ERC2: variants seen among roughly 807,000 people sequenced by gnomAD.
ERC2 encodes the protein ERC protein 2.
Under a neutral mutation model 114.8 loss-of-function variants are expected in ERC2, and 42 were observed. The ratio of observed to expected loss-of-function variants is 0.37; its 90% CI spans 0.29 to 0.47. The LOEUF (loss-of-function observed/expected upper bound fraction) is 0.47. Among genes scored for constraint, ERC2 ranks in the 20% least tolerant of loss-of-function variants. The probability of loss-of-function intolerance (pLI) is 0.99; values close to 1 mark genes in which losing one functional copy is unlikely to be tolerated. For synonymous variants in ERC2, 454 were observed against 425.5 expected (o/e 1.07, Z -0.82); for missense variants, 939 against 1,150.7 (o/e 0.82, Z 2.66).
At position 55,665,935 on chromosome 3, in the gene ERC2, G is replaced by A. The variant is rs2061340558; in HGVS notation, c.*39+17859C>T. 2.0e-5 allele frequency among the ~76,000 whole-genome samples: 3 copies of A among 152,188 alleles called. No homozygotes were observed. The South Asian group carries it at 6.2e-4, about 32-fold the overall frequency. On this transcript the variant is annotated intron_variant, in intron 17 of 17. Transcript: ENST00000288221. ...GATCACACAGCTAGCATGTGGCCAA[G>A]ATGGATTTAGACTTGGGCAGTCTGA...
At chr3:56,078,416 G>A (rs954980458) in intron 7 of ERC2, among the ~76,000 whole-genome samples, 7 of 152,144 alleles carry the variant, frequency 4.6e-5, no homozygotes, top group Admixed American at 3.9e-4. Context: ...GGCTCTGGCT[G>A]ACCATAACAG....
At chr3:55,517,502 G>T (rs1216967503) in intron 17 of ERC2, among the ~76,000 whole-genome samples, 1 of 135,826 alleles carries the variant, frequency 7.4e-6, no homozygotes, top group East Asian at 2.1e-4. Context: ...CCTTTTTAAA[G>T]AAATATTTAT....
intron 17 of ERC2, among the ~76,000 whole-genome samples, chr3:55,661,323 T>C (rs2061125814): frequency 6.6e-6 from 1 of 152,198 alleles, no homozygotes; most frequent in Admixed American, 6.5e-5. Flanking sequence ...ACTGGCAGAA[T>C]TCAGCTCCGT....
chr3:56,315,436 A>T (rs2056817910), intron 2 of ERC2, among the ~76,000 whole-genome samples: 1 of 152,182 alleles, frequency 6.6e-6, no homozygotes, highest in Non-Finnish European at 1.5e-5. Flanking sequence ...CATATCACTG[A>T]GAAATAAGAT....
At chr3:55,818,080 G>A (rs760241314) in intron 14 of ERC2, among the ~76,000 whole-genome samples, 21 of 152,162 alleles carry the variant, frequency 1.4e-4, no homozygotes, top group Non-Finnish European at 2.8e-4. Context: ...AGGTCTGAAC[G>A]ATGGGACTGT....
chr3:55,730,502 C>G (rs997506272), intron 15 of ERC2, among the ~76,000 whole-genome samples: 1 of 152,206 alleles, frequency 6.6e-6, no homozygotes, highest in Non-Finnish European at 1.5e-5. Context: ...TGAGCACCTA[C>G]TATGTGCCTG....
chr3:56,331,130 G>A (rs1260784572), intron 2 of ERC2, among the ~76,000 whole-genome samples: 1 of 152,142 alleles, frequency 6.6e-6, no homozygotes, highest in African/African-American at 2.4e-5. Context: ...TTGATCTTCT[G>A]TGTTCACCTG....
chr3:55,986,068 G>T lies in ERC2; in HGVS notation c.2256-80C>A, dbSNP rs187159835. 25 of 1,321,906 alleles carry T rather than the reference G, an allele frequency of 1.9e-5. No individual in the cohort carries two copies. The Admixed American group carries it at 4.8e-4, about 25-fold the overall frequency. The allele number at this position is 1,321,906 out of a possible 1,614,324, so 81.9% of individuals were successfully genotyped here. The stretch of plus-strand genomic sequence containing the variant: ...GGATAGCAAAAGAGAATAAAAGGAA[G>T]GAAATGCATTAGTTTTAAACATATA... On this transcript the variant is annotated intron_variant, in intron 11 of 17. Transcript: ENST00000288221.
rs542272304 is a variant in ERC2 at position 55,772,954 on chromosome 3, A to G, written c.2565-38036T>C. 4.2e-4 allele frequency among the ~76,000 whole-genome samples: 64 copies of G among 152,038 alleles called. 2 individuals carry two copies. The South Asian group carries it at 0.013, about 31-fold the overall frequency. ...GGTCCAAAGTGGACCATGACGCACC[A>G]CCCCACTGCCAAGACCTGGTGGGGC... On this transcript the variant is annotated intron_variant, in intron 14 of 17. Transcript: ENST00000288221.
Position 55,745,938 on chromosome 3 carries a change from G to A in ERC2, c.2565-11020C>T, listed in dbSNP as rs965998376. 3.9e-5 allele frequency among the ~76,000 whole-genome samples: 6 copies of A among 151,994 alleles called. No homozygotes were observed. The East Asian group carries it at 5.8e-4, about 15-fold the overall frequency. On this transcript the variant is annotated intron_variant, in intron 14 of 17. Coordinates refer to ENST00000288221, the MANE Select transcript of ERC2 (RefSeq NM_015576.3). ...TCTAAAAACAATATGTTTTAATTTC[G>A]CCTCTATTGTATATTTAAAGCTGCT...
chr3:56,044,326 T>C (rs2075352158), intron 7 of ERC2, among the ~76,000 whole-genome samples: 1 of 152,144 alleles, frequency 6.6e-6, no homozygotes, highest in Non-Finnish European at 1.5e-5. Context: ...TTTGACTGTG[T>C]TCTTGGGGTT....
chr3:55,968,898 T>G (rs893012473), intron 12 of ERC2, among the ~76,000 whole-genome samples: 2 of 152,162 alleles, frequency 1.3e-5, no homozygotes, highest in African/African-American at 4.8e-5. Context: ...TTTTTTTCTT[T>G]TTCTAACTCA....
rs547703575 is a variant in ERC2 at position 55,869,695 on chromosome 3, T to C, written c.2564+18694A>G. 2.0e-5 allele frequency among the ~76,000 whole-genome samples: 3 copies of C among 152,210 alleles called. No homozygotes were observed. In the South Asian group the frequency reaches 6.2e-4, roughly 32 times the overall value. ...AGCACTTACCACCCTGTATTATAAT[T>C]ACCAGCTTATCCCACCAACTTCCTT... On this transcript the variant is annotated intron_variant, in intron 14 of 17. Coordinates refer to ENST00000288221, the MANE Select transcript of ERC2 (RefSeq NM_015576.3).
At chr3:55,635,516 A>G (rs533458792) in intron 17 of ERC2, among the ~76,000 whole-genome samples, 1 of 151,628 alleles carries the variant, frequency 6.6e-6, no homozygotes, top group Non-Finnish European at 1.5e-5. Flanking sequence ...TCAGCCTCCC[A>G]AGTAGCTGGG....
chr3:56,388,042 C>T (rs1316111776), intron 2 of ERC2, among the ~76,000 whole-genome samples: 3 of 152,120 alleles, frequency 2.0e-5, no homozygotes, highest in African/African-American at 7.2e-5. Context: ...AAGACCTTTC[C>T]AATATCATAT....
At chr3:55,865,523 A>C (rs1299674473) in intron 14 of ERC2, among the ~76,000 whole-genome samples, 1 of 152,126 alleles carries the variant, frequency 6.6e-6, no homozygotes, top group African/African-American at 2.4e-5. Context: ...GTTTTTGTAC[A>C]TTCACAGAAT....
intron 3 of ERC2, chr3:56,173,722 G>T (rs926970716): frequency 1.3e-5 from 7 of 533,578 alleles, no homozygotes; most frequent in Non-Finnish European, 2.3e-5. Flanking sequence ...TGGCACATGC[G>T]CTATTTCTGA....
chr3:55,910,520 AGAGAT>A (rs1193905712), intron 13 of ERC2, among the ~76,000 whole-genome samples: 1 of 152,244 alleles, frequency 6.6e-6, no homozygotes, highest in African/African-American at 2.4e-5. Flanking sequence ...GCTGGAAATG[AGAGAT>A]AAACCAAATA....
intron 12 of ERC2, among the ~76,000 whole-genome samples, chr3:55,976,715 G>A (rs1213026950): frequency 1.3e-5 from 2 of 152,134 alleles, no homozygotes; most frequent in Non-Finnish European, 2.9e-5. Flanking sequence ...TGATGAAAGT[G>A]ACATTTAAAG....
Sources: gnomAD v4.1 joint callset for allele counts (sites outside exome capture counted in the v4.1 genomes callset) on GRCh38, gnomAD v4.1.1 for gene constraint, MANE v1.5 for transcripts, NCBI Gene and HGNC (gene_info 2026-07-23, HGNC 2026-07-21) for gene names.